Variants in ACSM3 observed in about 807,000 individuals in gnomAD.
The protein encoded by ACSM3 is acyl-CoA synthetase medium chain family member 3.
ACSM3 carries 61 observed loss-of-function variants against 74.1 expected under a neutral mutation model. That is an observed-to-expected ratio of 0.82 (90% confidence interval 0.67 to 1.02). The LOEUF is 1.02. Ranked by LOEUF, ACSM3 falls within the 50% of genes least tolerant of loss-of-function variation. The pLI is 0.00. For synonymous variants in ACSM3, 213 were observed against 241.5 expected (o/e 0.88, Z 1.09); for missense variants, 660 against 697.0 (o/e 0.95, Z 0.60).
At chr16:20,702,324 G>A (rs995085101) in intron 1 of ACSM3, among the ~76,000 whole-genome samples, 9 of 152,030 alleles carry the variant, frequency 5.9e-5, no homozygotes, top group Non-Finnish European at 1.2e-4. Flanking sequence ...GCCATTCTCC[G>A]GCCTCAGCCT....
Position 20,755,788 on chromosome 16 carries a change from C to CA in ACSM3, c.-52+172_-52+173insA, listed in dbSNP as rs1440628082. On this transcript the variant is annotated intron_variant, in intron 3 of 3. Transcript: ENST00000561584. The stretch of plus-strand genomic sequence containing the variant: ...CTCCTAATGCTATCCCTCCCCCCCC[C>CA]CCACCCCACAGCAGTCCCCAGAGTG... Among the ~76,000 whole-genome samples, 78 of 109,312 alleles carry CA rather than the reference C, an allele frequency of 7.1e-4. 3 individuals are homozygous for CA. The highest frequency in any genetic ancestry group is 1.1e-3 in the Non-Finnish European group (58 of 52,362). 71.7% of individuals were successfully genotyped at this position (109,312 alleles called of 152,430 possible).
At chr16:20,707,580 G>A (rs540305394) in intron 1 of ACSM3, among the ~76,000 whole-genome samples, 4 of 152,296 alleles carry the variant, frequency 2.6e-5, no homozygotes, top group East Asian at 3.9e-4. Flanking sequence ...CAGGATCCAC[G>A]CCTGCTAGAG....
chr16:20,755,493 G>A (rs2080021860), intron 2 of ACSM3: 1 of 151,858 alleles, frequency 6.6e-6, no homozygotes, highest in African/African-American at 2.4e-5. Flanking sequence ...ATAAATATTA[G>A]AACTAAAAAA....
intron 1 of ACSM3, chr16:20,691,150 G>C (rs774447878): frequency 1.9e-6 from 3 of 1,612,264 alleles, no homozygotes; most frequent in East Asian, 4.5e-5. Flanking sequence ...AGGATTTGTG[G>C]ATGCCCCAGA....
chr16:20,722,640 T>C (rs2079789865), intron 1 of ACSM3, among the ~76,000 whole-genome samples: 2 of 152,204 alleles, frequency 1.3e-5, no homozygotes, highest in African/African-American at 4.8e-5. Flanking sequence ...GTTTAACTTA[T>C]ACATCCATAA....
chr16:20,691,203 C>G, intron 1 of ACSM3: 1 of 1,549,266 alleles, frequency 6.5e-7, no homozygotes, highest in Non-Finnish European at 8.7e-7. Context: ...AAACAGTCCT[C>G]AGAAACCAGG....
At position 20,797,526 on chromosome 16, in the gene ACSM3, A is replaced by G; in HGVS notation, c.*554A>G. ...TTCAAGGTCTAACTATAAAAGAAGG[A>G]TCATATACTATTGTTGCTTATTATA... On this transcript the variant is annotated 3_prime_UTR_variant, in exon 14 of 14. Transcript: ENST00000289416. The G allele has an allele frequency of 4.2e-6, 5 of 1,191,356 alleles. No homozygotes were observed. The highest frequency in any genetic ancestry group is 5.2e-6 in the Non-Finnish European group (5 of 960,662). 73.8% of individuals were successfully genotyped at this position (1,191,356 alleles called of 1,614,324 possible).
chr16:20,688,948 T>C (rs2079603252), intron 1 of ACSM3, among the ~76,000 whole-genome samples: 2 of 149,110 alleles, frequency 1.3e-5, no homozygotes, highest in South Asian at 2.1e-4. Flanking sequence ...AAAATAATTA[T>C]AAATATATGT....
chr16:20,775,834 C>T lies in ACSM3; in HGVS notation c.220-5C>T. On this transcript the variant is annotated splice_region_variant and splice_polypyrimidine_tract_variant and intron_variant, in intron 2 of 13. Coordinates refer to ENST00000289416, the MANE Select transcript of ACSM3 (RefSeq NM_005622.4). ...TAAATCAATGACTGGTTTTTCTTTC[C>T]TCAGGCTGGAAAGAAACCTTCAAAT... 1 of 1,613,964 alleles carries T rather than the reference C, an allele frequency of 6.2e-7. No individual in the cohort carries two copies. Among genetic ancestry groups the T allele is most frequent in the Non-Finnish European group, 8.5e-7 (1 of 1,179,946 alleles).
intron 1 of ACSM3, among the ~76,000 whole-genome samples, chr16:20,698,602 A>G (rs1169605244): frequency 6.6e-6 from 1 of 152,058 alleles, no homozygotes; most frequent in East Asian, 1.9e-4. Flanking sequence ...TCCGCCTCCC[A>G]GGTTTAATTG....
chr16:20,728,754 G>A (rs555175391), intron 1 of ACSM3, among the ~76,000 whole-genome samples: 79 of 152,218 alleles, frequency 5.2e-4, no homozygotes, highest in African/African-American at 1.9e-3. Context: ...TGGAAGAGGG[G>A]CTTTTTATTA....
upstream of ACSM3, among the ~76,000 whole-genome samples, chr16:20,759,312 C>T (rs558374549): frequency 6.6e-6 from 1 of 152,136 alleles, no homozygotes; most frequent in African/African-American, 2.4e-5. Context: ...AATCCCAGCA[C>T]TTTGGGAGGC....
intron 1 of ACSM3, chr16:20,734,655 C>T (rs1267914570): frequency 6.6e-6 from 1 of 152,168 alleles, no homozygotes; most frequent in Non-Finnish European, 1.5e-5. Flanking sequence ...TATTCTTAAT[C>T]TGGACAGTTA....
At chr16:20,752,389 A>G (rs554053768) in intron 2 of ACSM3, among the ~76,000 whole-genome samples, 24 of 152,192 alleles carry the variant, frequency 1.6e-4, no homozygotes, top group Non-Finnish European at 3.4e-4. Flanking sequence ...TCCCAACCCT[A>G]GTTGCTGTTC....
chr16:20,727,502 T>G, intron 1 of ACSM3: 1 of 350,808 alleles, frequency 2.9e-6, no homozygotes, highest in Non-Finnish European at 5.7e-6. Flanking sequence ...TTTAGTATAT[T>G]TGGGGGCCTT....
intron 1 of ACSM3, chr16:20,736,922 T>C (rs1263653846): frequency 2.5e-6 from 4 of 1,614,194 alleles, no homozygotes; most frequent in East Asian, 2.2e-5. Flanking sequence ...CTTCTGTGGC[T>C]TGACTTGCAA....
chr16:20,724,544 A>G (rs1398104577), intron 1 of ACSM3, among the ~76,000 whole-genome samples: 1 of 152,230 alleles, frequency 6.6e-6, no homozygotes, highest in East Asian at 1.9e-4. Flanking sequence ...ATCAGGCAGG[A>G]GAAGGAAATA....
chr16:20,683,963 C>T (rs2079500916), intron 1 of ACSM3, among the ~76,000 whole-genome samples: 1 of 152,074 alleles, frequency 6.6e-6, no homozygotes, highest in Admixed American at 6.6e-5. Context: ...TTCTTGATTT[C>T]ACATGATCTG....
At chr16:20,684,527 A>G (rs535527642) in intron 1 of ACSM3, among the ~76,000 whole-genome samples, 3 of 152,368 alleles carry the variant, frequency 2.0e-5, no homozygotes, top group African/African-American at 7.2e-5. Context: ...AACGTGTCTA[A>G]TCTGAATATA....
Sources: gnomAD v4.1 joint callset for allele counts (sites outside exome capture counted in the v4.1 genomes callset) on GRCh38, gnomAD v4.1.1 for gene constraint, MANE v1.5 for transcripts, NCBI Gene and HGNC (gene_info 2026-07-23, HGNC 2026-07-21) for gene names.